Variants in PLK4 observed in about 807,000 individuals in gnomAD.
PLK4 encodes the protein polo like kinase 4, also known as serine/threonine-protein kinase PLK4.
Under a neutral mutation model 103.0 loss-of-function variants are expected in PLK4, and 51 were observed. That is an observed-to-expected ratio of 0.50 (90% confidence interval 0.40 to 0.63). PLK4 has a LOEUF of 0.63. Ranked by LOEUF, PLK4 falls within the 20% of genes least tolerant of loss-of-function variation. The probability of loss-of-function intolerance (pLI) is 0.00; values close to 1 mark genes in which losing one functional copy is unlikely to be tolerated. For missense variants in PLK4, 1,054 were observed against 1,151.0 expected, an observed-to-expected ratio of 0.92 and a Z score of 1.22; for synonymous variants, 389 against 376.8, an observed-to-expected ratio of 1.03 and a Z score of -0.38.
chr4:127,891,517 G>A, intron 8 of PLK4, 62 bp from the exon 9 acceptor site: 3 of 605,184 alleles, frequency 5.0e-6, no homozygotes, highest in Non-Finnish European at 8.6e-6. Flanking sequence ...ATACGTTTTA[G>A]CAAGATATAG....
At chr4:127,887,161 T>C (rs1578756745) in intron 5 of PLK4, among the ~76,000 whole-genome samples, 2 of 152,196 alleles carry the variant, frequency 1.3e-5, no homozygotes, top group East Asian at 3.8e-4. Context: ...ATTTTTATGC[T>C]TAAATTATAA....
rs565316120 is a variant in PLK4 at position 127,893,204 on chromosome 4, A to G, written c.2189-81A>G. ...GATACCTTGATCCAGGAGCCATTAT[A>G]TACTGGTATGATAATAAATATAAAT... On this transcript the variant is annotated intron_variant, in intron 10 of 15. Coordinates refer to ENST00000270861, the MANE Select transcript of PLK4 (RefSeq NM_014264.5). 3.5e-5 allele frequency: 29 copies of G among 835,348 alleles called. No homozygotes were observed. The African/African-American group carries it at 4.4e-4, about 13-fold the overall frequency. The allele number at this position is 835,348 out of a possible 1,614,324, so 51.7% of individuals were successfully genotyped here.
intron 6 of PLK4, among the ~76,000 whole-genome samples, chr4:127,887,927 C>T (rs1232409464): frequency 2.0e-5 from 3 of 147,546 alleles, no homozygotes; most frequent in Non-Finnish European, 3.0e-5. Context: ...TGCCTGTAAT[C>T]CTAGTACTTT....
In PLK4 at chr4:127,891,102, T is replaced by G. The variant is rs746745000; in HGVS notation, c.1841T>G (p.Leu614Arg). Residue 614 changes from leucine to arginine, a missense_variant, in exon 8 of 16, where the codon CTT (leucine) becomes CGT (arginine). Leu to Arg is a moderately radical substitution (Grantham distance 102, BLOSUM62 -2). Around this residue, in one of 4 missense-constraint regions of PLK4, gnomAD observed 680 missense variants for 660.3 expected, o/e 1.03. Coordinates refer to ENST00000270861, the MANE Select transcript of PLK4 (RefSeq NM_014264.5). ...QKTKKAVVSI[L>R]DSEEVCVELV... ...TTTTTTTTTTTTTAGGTGAGCATACTTGATTCAGAGGAGGTGTGTGTGGAG... is the reference window on the plus strand; with the variant it reads ...TTTTTTTTTTTTTAGGTGAGCATACGTGATTCAGAGGAGGTGTGTGTGGAG... 1.9e-6 allele frequency: 3 copies of G among 1,558,890 alleles called. No homozygotes were observed. The highest frequency in any genetic ancestry group is 2.6e-6 in the Non-Finnish European group (3 of 1,146,070).
chr4:127,889,312 T>G (rs1165108292), intron 6 of PLK4, among the ~76,000 whole-genome samples: 2 of 152,100 alleles, frequency 1.3e-5, no homozygotes, highest in Non-Finnish European at 2.9e-5. Context: ...ATTGGTAAAC[T>G]TAATTACTTT....
At chr4:127,894,482 C>A (rs1294181935) in intron 13 of PLK4, among the ~76,000 whole-genome samples, 1 of 152,152 alleles carries the variant, frequency 6.6e-6, no homozygotes, top group African/African-American at 2.4e-5. Context: ...CCTGCCTCGG[C>A]CTCCCAAAGT....
rs1735145928 is a variant in PLK4, at chr4:127,886,641, AC to A, written c.1272del (p.Asp424GlufsTer62). ...AATGAAGAGAGGTACTCACCCACAG[AC>A]AACAATGCCAACATTTTTAACTTCT... The part of the protein sequence containing the change: ...GENEERYSPT[D>X]NNANIFNFFK... On this transcript the variant is annotated frameshift_variant, in exon 5 of 16. Coordinates refer to ENST00000270861, the MANE Select transcript of PLK4 (RefSeq NM_014264.5). LOFTEE classifies it high-confidence loss of function. 1 of 1,613,442 alleles carries A rather than the reference AC, an allele frequency of 6.2e-7. No homozygotes were observed. Among genetic ancestry groups the A allele is most frequent in the African/African-American group, 1.3e-5 (1 of 74,932 alleles).
Position 127,881,256 on chromosome 4 carries a change from C to T in PLK4, c.30+92C>T, listed in dbSNP as rs896031492. The T allele has an allele frequency of 6.3e-6, 10 of 1,595,986 alleles. No homozygotes were observed. The African/African-American group carries it at 6.7e-5, about 11-fold the overall frequency. On this transcript the variant is annotated intron_variant, in intron 1 of 15. Coordinates refer to ENST00000270861, the MANE Select transcript of PLK4 (RefSeq NM_014264.5). ...TGGGAAGGGGAGCGAACGAAGCTAACGGCTGCGGGGCGGGCACCGAGGTGC... is the reference window on the plus strand; with the variant it reads ...TGGGAAGGGGAGCGAACGAAGCTAATGGCTGCGGGGCGGGCACCGAGGTGC...
At chr4:127,882,158 G>A (rs1734957480) in intron 2 of PLK4, among the ~76,000 whole-genome samples, 1 of 152,138 alleles carries the variant, frequency 6.6e-6, no homozygotes, top group African/African-American at 2.4e-5. Flanking sequence ...AGTAGACCTC[G>A]TATGTGGTGT....
chr4:127,890,776 A>G (rs1454367514), intron 7 of PLK4, among the ~76,000 whole-genome samples: 4 of 151,884 alleles, frequency 2.6e-5, no homozygotes, highest in Admixed American at 1.3e-4. Flanking sequence ...TTCCCATTTT[A>G]CTTCCCATTT....
At chr4:127,885,316 A>G (rs958779688) in intron 4 of PLK4, among the ~76,000 whole-genome samples, 11 of 151,732 alleles carry the variant, frequency 7.2e-5, no homozygotes, top group Non-Finnish European at 1.0e-4. Flanking sequence ...TGTCTCTACT[A>G]AAAACACAAA....
intron 13 of PLK4, 126 bp downstream of exon 13, chr4:127,894,007 T>C: frequency 3.3e-6 from 2 of 614,076 alleles, no homozygotes; most frequent in South Asian, 4.3e-5. Flanking sequence ...CCTGAGCCAC[T>C]TTATCCCATA....
chr4:127,895,907 G>A lies in PLK4; in HGVS notation c.2703+814G>A, dbSNP rs553769448. ...AGCAAGACCCCATCTTTTTTAAAAA[G>A]TGAAGTCAATATTGAGTTTCAAACT... On this transcript the variant is annotated intron_variant, in intron 14 of 15. Coordinates refer to ENST00000270861, the MANE Select transcript of PLK4 (RefSeq NM_014264.5). Among the ~76,000 whole-genome samples, 88 of 152,228 alleles carry A rather than the reference G, an allele frequency of 5.8e-4. 1 individual carries two copies. The South Asian group carries it at 0.016, about 27-fold the overall frequency.
rs56043017 is a variant in PLK4, at chr4:127,889,962, G to C, written c.1556G>C (p.Trp519Ser). ...DLQKDTSKNA[W>S]TDTKVKKNSD... The stretch of plus-strand genomic sequence containing the variant: ...CAGAAGGACACATCAAAAAATGCCT[G>C]GACTGATACAAAAGTCAAAAAGAAC... Residue 519 changes from tryptophan (W) to serine (S), a missense_variant, in exon 7 of 16, where the codon TGG (tryptophan) becomes TCG (serine). Trp to Ser is a radical substitution (Grantham distance 177, BLOSUM62 -3). Coordinates refer to ENST00000270861, the MANE Select transcript of PLK4 (RefSeq NM_014264.5). The C allele has an allele frequency of 0.01, 16,378 of 1,613,908 alleles. 159 individuals are homozygous for C. The highest frequency in any genetic ancestry group is 0.05 in the Middle Eastern group (301 of 6,062).
chr4:127,894,566 C>T (rs1206828345), intron 13 of PLK4, among the ~76,000 whole-genome samples: 1 of 151,988 alleles, frequency 6.6e-6, no homozygotes, highest in Non-Finnish European at 1.5e-5. Context: ...CATTAACTGC[C>T]TAAATGCTCA....
chr4:127,883,495 T>C lies in PLK4; in HGVS notation c.279T>C (p.His93=). The C allele has an allele frequency of 6.4e-7, 1 of 1,554,418 alleles. No individual in the cohort carries two copies. The highest frequency in any genetic ancestry group is 8.9e-7 in the Non-Finnish European group (1 of 1,126,414). The change falls in exon 4 of 16, where the codon CAT becomes CAC. Residue 93 remains histidine, a synonymous_variant. Coordinates refer to ENST00000270861, the MANE Select transcript of PLK4 (RefSeq NM_014264.5). ...NYVYLVLEMC[H]NGEMNRYLKN... ...TGTATCTGGTATTAGAAATGTGCCA[T>C]AATGGAGAAATGAACAGGTATCTAA...
Position 127,885,700 on chromosome 4 carries a change from C to T in PLK4, c.338-8C>T. On this transcript the variant is annotated splice_polypyrimidine_tract_variant and splice_region_variant and intron_variant, in intron 4 of 15. Transcript: ENST00000270861. ...AATTGTAAATTCTCTTTTTTAAAAT[C>T]CTAACAGCTCGACACTTCATGCACC... 6.3e-7 allele frequency: 1 copy of T among 1,582,350 alleles called. No homozygotes were observed. Among genetic ancestry groups the T allele is most frequent in the Non-Finnish European group, 8.6e-7 (1 of 1,165,876 alleles).
chr4:127,881,335 GC>G, intron 1 of PLK4, 171 bp downstream of exon 1: 1 of 1,466,436 alleles, frequency 6.8e-7, no homozygotes, highest in Non-Finnish European at 9.0e-7. Flanking sequence ...GGAGCGGCCC[GC>G]CCCTCAAGAG....
intron 8 of PLK4, 137 bp downstream of exon 8, chr4:127,891,333 A>C (rs953918636): frequency 5.7e-5 from 27 of 471,976 alleles, no homozygotes; most frequent in African/African-American, 4.6e-4. Context: ...GAATTCAAAA[A>C]TTGAAATAGC....
Sources: allele counts gnomAD v4.1 joint callset (sites outside exome capture counted in the v4.1 genomes callset), GRCh38; gene constraint gnomAD v4.1.1; regional missense constraint gnomAD v4.1.1; transcripts MANE v1.5; gene names NCBI Gene and HGNC (gene_info 2026-07-23, HGNC 2026-07-21).